Variants in ENTREP2 observed in about 807,000 individuals in gnomAD.
ENTREP2 encodes endosomal transmembrane epsin interactor 2.
chr15:29,618,474 A>C, the ENTREP2 span, among the ~76,000 whole-genome samples: 2 of 151,956 alleles, frequency 1.3e-5, no homozygotes, highest in Non-Finnish European at 2.9e-5. Context: ...ACGCACTTTG[A>C]AGGGTCCTAA....
At chr15:29,613,785 C>A in the ENTREP2 span, 1 of 164,406 alleles carries the variant, frequency 6.1e-6, no homozygotes, top group South Asian at 1.6e-4. Context: ...AGCTAGCAGT[C>A]AATACAGTGT....
At chr15:29,619,123 T>C in the ENTREP2 span, among the ~76,000 whole-genome samples, 1 of 152,236 alleles carries the variant, frequency 6.6e-6, no homozygotes, top group Admixed American at 6.5e-5. Flanking sequence ...CTGGGCGCGG[T>C]GGCTCACGCC....
chr15:29,535,025 C>A, the ENTREP2 span, among the ~76,000 whole-genome samples: 2 of 150,128 alleles, frequency 1.3e-5, no homozygotes, highest in Non-Finnish European at 3.0e-5. Context: ...GCAGGAAGAT[C>A]ACTTGAGATC....
chr15:29,494,652 A>G, the ENTREP2 span, among the ~76,000 whole-genome samples: 1 of 152,302 alleles, frequency 6.6e-6, no homozygotes, highest in African/African-American at 2.4e-5. Flanking sequence ...GCTTTGACCA[A>G]CACCTACCCA....
the ENTREP2 span, among the ~76,000 whole-genome samples, chr15:29,482,164 ATTTTT>A: frequency 7.4e-6 from 1 of 135,258 alleles, no homozygotes; most frequent in Non-Finnish European, 1.6e-5. Context: ...CAGGCAGCTA[ATTTTT>A]TTTTTTTTTT....
the ENTREP2 span, chr15:29,124,703 C>T: frequency 6.4e-7 from 1 of 1,550,542 alleles, no homozygotes; most frequent in South Asian, 1.2e-5. Flanking sequence ...CAGGCACAGC[C>T]TCAGACAGTC....
the ENTREP2 span, among the ~76,000 whole-genome samples, chr15:29,603,482 A>G: frequency 0.011 from 1,682 of 152,250 alleles, 25 homozygotes; most frequent in African/African-American, 0.038. Flanking sequence ...AAGAACCTGC[A>G]AAGATGACTC....
At chr15:29,633,813 A>G in the ENTREP2 span, among the ~76,000 whole-genome samples, 1 of 151,938 alleles carries the variant, frequency 6.6e-6, no homozygotes, top group Non-Finnish European at 1.5e-5. Context: ...ACAAGAATTC[A>G]CTGGGCGTGG....
the ENTREP2 span, among the ~76,000 whole-genome samples, chr15:29,498,681 A>G: frequency 6.6e-6 from 1 of 152,120 alleles, no homozygotes; most frequent in Non-Finnish European, 1.5e-5. Flanking sequence ...TACTTGGTAT[A>G]AAGTGTAAAA....
At chr15:29,293,732 A>G in the ENTREP2 span, among the ~76,000 whole-genome samples, 1 of 152,182 alleles carries the variant, frequency 6.6e-6, no homozygotes, top group East Asian at 1.9e-4. Context: ...CACTCGGGGA[A>G]GCGTGGAAGT....
At chr15:29,206,357 G>A in the ENTREP2 span, among the ~76,000 whole-genome samples, 2 of 152,108 alleles carry the variant, frequency 1.3e-5, no homozygotes, top group South Asian at 4.1e-4. Context: ...CATCACCATG[G>A]AGGTTAGAAT....
the ENTREP2 span, among the ~76,000 whole-genome samples, chr15:29,655,927 A>G: frequency 1.5e-4 from 23 of 149,046 alleles, no homozygotes; most frequent in African/African-American, 4.9e-4. Context: ...CAGGATGCTG[A>G]GGCATGAGAA....
At chr15:29,369,887 T>C in the ENTREP2 span, among the ~76,000 whole-genome samples, 1 of 152,238 alleles carries the variant, frequency 6.6e-6, no homozygotes, top group East Asian at 1.9e-4. Flanking sequence ...TTAATTGTTA[T>C]AAAATGAGGT....
At chr15:29,364,179 G>A in the ENTREP2 span, among the ~76,000 whole-genome samples, 3 of 152,222 alleles carry the variant, frequency 2.0e-5, no homozygotes. Context: ...TTGTACTGCA[G>A]TAAGTCTTAA....
the ENTREP2 span, among the ~76,000 whole-genome samples, chr15:29,464,380 C>A: frequency 6.6e-6 from 1 of 152,144 alleles, no homozygotes; most frequent in Non-Finnish European, 1.5e-5. Context: ...CTTCTCAACA[C>A]AATTTCACTT....
chr15:29,124,687 C>G, the ENTREP2 span: 13,573 of 1,550,450 alleles, frequency 8.8e-3, 76 homozygotes, highest in Middle Eastern at 0.04. Context: ...AGCGTCTCAC[C>G]GCTCCCAGGC....
the ENTREP2 span, among the ~76,000 whole-genome samples, chr15:29,330,960 A>G: frequency 4.3e-4 from 66 of 152,312 alleles, no homozygotes; most frequent in Non-Finnish European, 9.4e-4. Context: ...CCCCACAGTA[A>G]GTTGCTTTTA....
At chr15:29,381,352 G>A in the ENTREP2 span, among the ~76,000 whole-genome samples, 1 of 150,222 alleles carries the variant, frequency 6.7e-6, no homozygotes, top group African/African-American at 2.4e-5. Context: ...AGCTATTCAG[G>A]AGGCTGAGGC....
the ENTREP2 span, among the ~76,000 whole-genome samples, chr15:29,660,791 G>A: frequency 3.3e-5 from 5 of 152,140 alleles, no homozygotes; most frequent in African/African-American, 4.8e-5. Flanking sequence ...TTTGAACTGC[G>A]TGGGTCCACT....
Sources: allele counts gnomAD v4.1 joint callset (sites outside exome capture counted in the v4.1 genomes callset), GRCh38; gene constraint gnomAD v4.1.1; transcripts MANE v1.5; gene names NCBI Gene and HGNC (gene_info 2026-07-23, HGNC 2026-07-21).